The following LRBA variants were observed in gnomAD, a reference collection of about 807,000 sequenced individuals.
LRBA encodes the protein LPS responsive beige-like anchor protein.
A neutral mutation model predicts 330.0 loss-of-function variants in LRBA; 176 were observed. The ratio of observed to expected loss-of-function variants is 0.53; its 90% CI spans 0.47 to 0.60. The LOEUF (loss-of-function observed/expected upper bound fraction) is 0.60, where lower values mean the gene tolerates loss of function less well. Among genes scored for constraint, LRBA ranks in the 20% least tolerant of loss-of-function variants. The probability of loss-of-function intolerance (pLI) is 0.00; values close to 1 mark genes in which losing one functional copy is unlikely to be tolerated. For synonymous variants in LRBA, 1,230 were observed against 1,193.0 expected (o/e 1.03, Z -0.64); for missense variants, 3,259 against 3,444.8 (o/e 0.95, Z 1.35).
intron 37 of LRBA, among the ~76,000 whole-genome samples, chr4:150,645,723 T>C (rs1403146941): frequency 6.6e-6 from 1 of 151,952 alleles, no homozygotes; most frequent in African/African-American, 2.4e-5. Flanking sequence ...ACATCCCATG[T>C]CCATAGATGG....
chr4:150,756,254 T>C (rs1288503798), intron 35 of LRBA, among the ~76,000 whole-genome samples: 1 of 152,140 alleles, frequency 6.6e-6, no homozygotes, highest in Non-Finnish European at 1.5e-5. Context: ...TGATCACTGC[T>C]ACCTAGAACA....
intron 2 of LRBA, among the ~76,000 whole-genome samples, chr4:151,002,195 G>GC (rs1277468123): frequency 1.3e-4 from 1 of 7,846 alleles, no homozygotes; most frequent in Non-Finnish European, 3.3e-4. Flanking sequence ...ACATAAAACA[G>GC]CAAAAAAAAA....
At chr4:150,709,833 G>C (rs530433942) in intron 36 of LRBA, among the ~76,000 whole-genome samples, 2 of 152,138 alleles carry the variant, frequency 1.3e-5, no homozygotes, top group East Asian at 3.9e-4. Context: ...GGTAAAGGAT[G>C]AGAGGCAGAG....
At chr4:150,352,631 A>AT (rs1381530665) in intron 47 of LRBA, among the ~76,000 whole-genome samples, 1 of 152,212 alleles carries the variant, frequency 6.6e-6, no homozygotes, top group East Asian at 1.9e-4. Flanking sequence ...GGAGCTTGTG[A>AT]TAACTTTAAG....
At chr4:150,338,618 A>C (rs1735057269) in intron 48 of LRBA, among the ~76,000 whole-genome samples, 1 of 152,102 alleles carries the variant, frequency 6.6e-6, no homozygotes, top group Admixed American at 6.6e-5. Flanking sequence ...CTTTGATCAA[A>C]ACCTACTGTC....
chr4:150,949,146 A>T (rs1362401754), intron 2 of LRBA, among the ~76,000 whole-genome samples: 2 of 152,072 alleles, frequency 1.3e-5, no homozygotes, highest in East Asian at 3.8e-4. Flanking sequence ...GTATATAAAT[A>T]TTTACAGTAG....
intron 44 of LRBA, among the ~76,000 whole-genome samples, chr4:150,439,489 C>T (rs1751540128): frequency 1.3e-5 from 2 of 151,442 alleles, no homozygotes; most frequent in Non-Finnish European, 2.9e-5. Context: ...AAGAAGTCCC[C>T]AAATAAAAGA....
At chr4:150,868,484 C>T (rs533157194) in intron 20 of LRBA, among the ~76,000 whole-genome samples, 179 bp from the exon 21 acceptor site, 1 of 151,984 alleles carries the variant, frequency 6.6e-6, no homozygotes, top group Non-Finnish European at 1.5e-5. Flanking sequence ...CATTAGAAAG[C>T]ATTTATAAAT....
chr4:150,616,546 G>T (rs1274857429), intron 37 of LRBA, among the ~76,000 whole-genome samples: 1 of 152,156 alleles, frequency 6.6e-6, no homozygotes, highest in Non-Finnish European at 1.5e-5. Flanking sequence ...ACTGAGACTT[G>T]ACTATTGGAT....
intron 37 of LRBA, among the ~76,000 whole-genome samples, chr4:150,632,319 C>T (rs1318085437): frequency 6.6e-6 from 1 of 151,424 alleles, no homozygotes; most frequent in Non-Finnish European, 1.5e-5. Context: ...AAAATACCAG[C>T]AACAGAATTT....
chr4:150,935,370 T>C (rs892941309), intron 2 of LRBA, among the ~76,000 whole-genome samples: 2 of 151,904 alleles, frequency 1.3e-5, no homozygotes, highest in African/African-American at 4.8e-5. Context: ...TAACAGAAAA[T>C]ACAAGAGTTT....
At chr4:150,641,884 G>A (rs1232048625) in intron 37 of LRBA, among the ~76,000 whole-genome samples, 1 of 151,946 alleles carries the variant, frequency 6.6e-6, no homozygotes, top group African/African-American at 2.4e-5. Context: ...GAAGCATGAG[G>A]CTATTACTGC....
chr4:150,858,296 G>A (rs941199827), intron 22 of LRBA, among the ~76,000 whole-genome samples: 12 of 152,064 alleles, frequency 7.9e-5, no homozygotes, highest in African/African-American at 2.4e-4. Flanking sequence ...GTATGAAGCT[G>A]TAGTGTGTTA....
intron 40 of LRBA, among the ~76,000 whole-genome samples, chr4:150,512,750 C>A (rs1761965079): frequency 6.7e-6 from 1 of 148,882 alleles, no homozygotes. Flanking sequence ...GATGAAGAGT[C>A]CTTGTTCTGC....
intron 40 of LRBA, among the ~76,000 whole-genome samples, chr4:150,507,366 G>T (rs1321067267): frequency 6.6e-6 from 1 of 152,228 alleles, no homozygotes; most frequent in South Asian, 2.1e-4. Flanking sequence ...CATGGTACTG[G>T]TATCAAAACA....
rs1746300597 is a variant in LRBA, at chr4:150,272,822, AT to A, written c.8468+5030del. Among the ~76,000 whole-genome samples the A allele has an allele frequency of 3.9e-5, 6 of 152,224 alleles. No homozygotes were observed. In the South Asian group the frequency reaches 1.2e-3, roughly 32 times the overall value. On this transcript the variant is annotated intron_variant, in intron 56 of 56. Transcript: ENST00000651943. ...ATATAGGACTATGTGAAAAGACCAAATCTACATTTGATTTGTATACCTGAAG... is the reference window on the plus strand; with the variant it reads ...ATATAGGACTATGTGAAAAGACCAAACTACATTTGATTTGTATACCTGAAG...
At chr4:150,411,694 C>T (rs1314037352) in intron 47 of LRBA, among the ~76,000 whole-genome samples, 1 of 152,146 alleles carries the variant, frequency 6.6e-6, no homozygotes, top group East Asian at 1.9e-4. Flanking sequence ...AAAGCAGAAA[C>T]CTGCCAACAG....
At chr4:150,642,625 G>C (rs1778788068) in intron 37 of LRBA, among the ~76,000 whole-genome samples, 1 of 151,802 alleles carries the variant, frequency 6.6e-6, no homozygotes, top group African/African-American at 2.4e-5. Flanking sequence ...AAATCACAAT[G>C]CAGATCAATT....
chr4:150,330,827 C>CA (rs1733903080), intron 48 of LRBA, among the ~76,000 whole-genome samples: 1 of 151,992 alleles, frequency 6.6e-6, no homozygotes, highest in Non-Finnish European at 1.5e-5. Flanking sequence ...ATTTAGACAA[C>CA]AAAAAATTTA....
Sources: allele counts gnomAD v4.1 joint callset (sites outside exome capture counted in the v4.1 genomes callset), GRCh38; gene constraint gnomAD v4.1.1; transcripts MANE v1.5; gene names NCBI Gene and HGNC (gene_info 2026-07-23, HGNC 2026-07-21).